PTPRD: variants seen among roughly 807,000 people sequenced by gnomAD.
The protein encoded by PTPRD is receptor-type tyrosine-protein phosphatase delta.
Under a neutral mutation model 214.5 loss-of-function variants are expected in PTPRD, and 34 were observed. The observed-to-expected ratio is 0.16, with a 90% confidence interval of 0.12 to 0.21. The LOEUF is 0.21. PTPRD is among the 10% of genes least tolerant of loss of function. PTPRD has a pLI of 1.00. For synonymous variants in PTPRD, 1,128 were observed against 845.7 expected, an observed-to-expected ratio of 1.33 and a Z score of -5.79; for missense variants, 2,545 against 2,398.7, an observed-to-expected ratio of 1.06 and a Z score of -1.27.
chr9:10,205,367 CTTTATTTTATTTTAT>C (rs199568529), intron 3 of PTPRD, among the ~76,000 whole-genome samples: 22,742 of 148,058 alleles, frequency 0.15, 2,097 homozygotes, highest in East Asian at 0.4. Flanking sequence ...TCTTCTTCTT[CTTTATTTTATTTTAT>C]TTTATTTTAT....
chr9:10,156,561 G>A (rs1462043688), intron 3 of PTPRD, among the ~76,000 whole-genome samples: 1 of 152,092 alleles, frequency 6.6e-6, no homozygotes, highest in Non-Finnish European at 1.5e-5. Context: ...ATGATTGTTT[G>A]GTCTATTTTA....
chr9:10,151,416 C>A (rs1309061237), intron 3 of PTPRD, among the ~76,000 whole-genome samples: 1 of 151,844 alleles, frequency 6.6e-6, no homozygotes, highest in Non-Finnish European at 1.5e-5. Context: ...GCACATGCCA[C>A]CACGCCCTGC....
At chr9:9,984,163 ATAAT>A (rs2095633101) in intron 4 of PTPRD, among the ~76,000 whole-genome samples, 2 of 152,310 alleles carry the variant, frequency 1.3e-5, no homozygotes, top group East Asian at 3.9e-4. Context: ...GCATTCATTA[ATAAT>A]TAAACTGCAA....
At chr9:9,273,368 T>C (rs1207250328) in intron 9 of PTPRD, among the ~76,000 whole-genome samples, 1 of 151,256 alleles carries the variant, frequency 6.6e-6, no homozygotes, top group South Asian at 2.1e-4. Flanking sequence ...TTATTAAAAT[T>C]GTGAAGCTGT....
intron 8 of PTPRD, among the ~76,000 whole-genome samples, chr9:9,478,976 T>TC (rs570216038): frequency 6.6e-6 from 1 of 152,100 alleles, no homozygotes; most frequent in Non-Finnish European, 1.5e-5. Flanking sequence ...AATAATTACA[T>TC]CATAACACAT....
At chr9:8,449,030 G>C (rs1486473930) in intron 34 of PTPRD, among the ~76,000 whole-genome samples, 1 of 152,150 alleles carries the variant, frequency 6.6e-6, no homozygotes, top group Non-Finnish European at 1.5e-5. Flanking sequence ...AGTTGAAAAA[G>C]TCAAATAGAT....
intron 11 of PTPRD, among the ~76,000 whole-genome samples, chr9:8,902,599 C>A (rs2098678993): frequency 1.3e-5 from 2 of 152,104 alleles, no homozygotes; most frequent in South Asian, 4.1e-4. Flanking sequence ...CCTCCCTCAG[C>A]CTCCCAAAGT....
chr9:9,431,126 A>G (rs528975820), intron 8 of PTPRD, among the ~76,000 whole-genome samples: 20 of 152,336 alleles, frequency 1.3e-4, no homozygotes, highest in Middle Eastern at 3.4e-3. Context: ...AACCTACAGA[A>G]TGGGAGAAAA....
chr9:8,521,291 T>C lies in PTPRD; in HGVS notation c.947A>G (p.Gln316Arg), dbSNP rs2138853379. The C allele has an allele frequency of 6.2e-7, 1 of 1,613,266 alleles. No homozygotes were observed. The highest frequency in any genetic ancestry group is 8.5e-7 in the Non-Finnish European group (1 of 1,179,436). Residue 316 changes from glutamine (Q) to arginine (R), a missense_variant, in exon 20 of 46, where the codon CAG becomes CGG. Gln to Arg is a conservative substitution (Grantham distance 43, BLOSUM62 1). Coordinates refer to ENST00000381196, the MANE Select transcript of PTPRD (RefSeq NM_002839.4). ...STLGVIEAIA[Q>R]ITVKALPKPP... ...ATTGAGCATACCTTTGACAGTGATC[T>C]GTGCTATTGCTTCAATGACACCCAG...
intron 11 of PTPRD, among the ~76,000 whole-genome samples, chr9:8,791,379 T>C (rs1040599380): frequency 2.6e-5 from 4 of 151,738 alleles, no homozygotes; most frequent in Non-Finnish European, 5.9e-5. Flanking sequence ...GCGCACACCA[T>C]CACACCCAGC....
At position 9,779,078 on chromosome 9, in the gene PTPRD, C is replaced by CAAAAAAAAAAAAAAAAAAAAAAAAA. The variant is rs869120926; in HGVS notation, c.-367-12252_-367-12228dup. Among the ~76,000 whole-genome samples the CAAAAAAAAAAAAAAAAAAAAAAAAA allele has an allele frequency of 1.1e-3, 49 of 45,482 alleles. 9 individuals are homozygous for CAAAAAAAAAAAAAAAAAAAAAAAAA. Among genetic ancestry groups the CAAAAAAAAAAAAAAAAAAAAAAAAA allele is most frequent in the East Asian group, 1.9e-3 (3 of 1,564 alleles). The allele number at this position is 45,482 out of a possible 152,430, so 29.8% of individuals were successfully genotyped here. A position where few individuals can be genotyped will look rare whatever the true frequency, so the allele number is the denominator to read the frequency against. ...GCCATGTGATCTTTCATAAGACTGA[C>CAAAAAAAAAAAAAAAAAAAAAAAAA]AAAAAAAAAAAAAAAAAAAAAAAAA... On this transcript the variant is annotated intron_variant, in intron 5 of 45. Transcript: ENST00000381196.
chr9:9,825,378 GA>G (rs2052411969), intron 5 of PTPRD, among the ~76,000 whole-genome samples: 1 of 149,390 alleles, frequency 6.7e-6, no homozygotes, highest in Non-Finnish European at 1.5e-5. Context: ...GAGACACAGA[GA>G]GACAGAGAGA....
intron 9 of PTPRD, among the ~76,000 whole-genome samples, chr9:9,277,703 T>A (rs1380038185): frequency 6.6e-6 from 1 of 151,326 alleles, no homozygotes; most frequent in East Asian, 2.0e-4. Context: ...CAGATGGATT[T>A]GCTAATTACT....
At chr9:9,389,608 GAT>G (rs1017953356) in intron 9 of PTPRD, among the ~76,000 whole-genome samples, 9 of 152,246 alleles carry the variant, frequency 5.9e-5, no homozygotes, top group Admixed American at 5.2e-4. Context: ...CATAAAATGA[GAT>G]ATACCAACCA....
At chr9:8,531,557 T>A (rs757678360) in intron 14 of PTPRD, among the ~76,000 whole-genome samples, 1 of 152,132 alleles carries the variant, frequency 6.6e-6, no homozygotes, top group African/African-American at 2.4e-5. Flanking sequence ...CTCTTAGATT[T>A]TGTTGTTGTT....
chr9:9,459,646 A>G (rs1262526772), intron 8 of PTPRD, among the ~76,000 whole-genome samples: 1 of 152,132 alleles, frequency 6.6e-6, no homozygotes, highest in Non-Finnish European at 1.5e-5. Context: ...CAAAAAGGTG[A>G]AAGACCTCTA....
chr9:10,193,762 T>C (rs2099384744), intron 3 of PTPRD, among the ~76,000 whole-genome samples: 1 of 152,162 alleles, frequency 6.6e-6, no homozygotes. Flanking sequence ...AGGAAAGCAA[T>C]TGAATATTTC....
At chr9:9,826,761 T>C (rs555978890) in intron 5 of PTPRD, among the ~76,000 whole-genome samples, 11 of 152,142 alleles carry the variant, frequency 7.2e-5, no homozygotes, top group South Asian at 2.1e-4. Flanking sequence ...GAAAACCCCA[T>C]TGTCTCAGCC....
At chr9:9,779,604 A>G (rs942386884) in intron 5 of PTPRD, among the ~76,000 whole-genome samples, 1 of 152,334 alleles carries the variant, frequency 6.6e-6, no homozygotes, top group East Asian at 1.9e-4. Context: ...TATATAAAAA[A>G]TGCTCAACAT....
Sources: gnomAD v4.1 joint callset for allele counts (sites outside exome capture counted in the v4.1 genomes callset) on GRCh38, gnomAD v4.1.1 for gene constraint, MANE v1.5 for transcripts, NCBI Gene and HGNC (gene_info 2026-07-23, HGNC 2026-07-21) for gene names.